PAPPA2: variants seen among roughly 807,000 people sequenced by gnomAD.
PAPPA2 encodes the protein pappalysin 2, also known as pappalysin-2.
Under a neutral mutation model 176.4 loss-of-function variants are expected in PAPPA2, and 86 were observed. That is an observed-to-expected ratio of 0.49 (90% CI 0.41 to 0.58). The LOEUF (loss-of-function observed/expected upper bound fraction) is 0.58. Ranked by LOEUF, PAPPA2 falls within the 20% of genes least tolerant of loss-of-function variation. PAPPA2 has a pLI of 0.00. For synonymous variants in PAPPA2, 809 were observed against 852.2 expected, an observed-to-expected ratio of 0.95 and a Z score of 0.88; for missense variants, 2,073 against 2,256.9, an observed-to-expected ratio of 0.92 and a Z score of 1.65.
intron 17 of PAPPA2, among the ~76,000 whole-genome samples, chr1:176,777,425 C>G (rs944406473): frequency 1.3e-5 from 2 of 151,976 alleles, no homozygotes; most frequent in African/African-American, 2.4e-5. Flanking sequence ...GTCTAGTTCT[C>G]CCTTGAAGAC....
At chr1:176,755,028 C>T (rs993653714) in intron 14 of PAPPA2, among the ~76,000 whole-genome samples, 1 of 152,124 alleles carries the variant, frequency 6.6e-6, no homozygotes, top group East Asian at 1.9e-4. Flanking sequence ...TTCCTCAACC[C>T]TTGATTTCTC....
chr1:176,755,895 T>A (rs1663391706), intron 14 of PAPPA2, among the ~76,000 whole-genome samples: 1 of 152,210 alleles, frequency 6.6e-6, no homozygotes, highest in East Asian at 1.9e-4. Flanking sequence ...TCTATTCTTA[T>A]AATATTGTAA....
Position 176,623,613 on chromosome 1 carries a change from T to TTTTTA in PAPPA2, c.1991+28018_1991+28019insTTTTA, listed in dbSNP as rs1558479012. Among the ~76,000 whole-genome samples the TTTTTA allele has an allele frequency of 2.7e-3, 371 of 136,654 alleles. 1 individual carries two copies. The highest frequency in any genetic ancestry group is 0.011 in the Middle Eastern group (3 of 266). The allele number at this position is 136,654 out of a possible 152,430, so 89.7% of individuals were successfully genotyped here. A position where few individuals can be genotyped will look rare whatever the true frequency, so the allele number is the denominator to read the frequency against. ...TTCCTTCCTTCCTTCCTTCCTTCCT[T>TTTTTA]CCTTCCTTCCTTTTTTACTTTCTTT... On this transcript the variant is annotated intron_variant, in intron 3 of 22. Coordinates refer to ENST00000367662, the MANE Select transcript of PAPPA2 (RefSeq NM_020318.3).
intron 4 of PAPPA2, among the ~76,000 whole-genome samples, chr1:176,677,118 T>A (rs559587761): frequency 1.1e-4 from 17 of 152,286 alleles, no homozygotes; most frequent in Non-Finnish European, 2.2e-4. Context: ...TCTTGTTCAA[T>A]CATAACTGAT....
chr1:176,546,182 G>T (rs1558427615), intron 1 of PAPPA2, among the ~76,000 whole-genome samples: 1 of 152,222 alleles, frequency 6.6e-6, no homozygotes, highest in Non-Finnish European at 1.5e-5. Flanking sequence ...TTCCTGGACA[G>T]CTGGAGAAAC....
intron 12 of PAPPA2, among the ~76,000 whole-genome samples, chr1:176,719,673 T>C (rs1558540836): frequency 6.6e-6 from 1 of 152,216 alleles, no homozygotes; most frequent in Non-Finnish European, 1.5e-5. Context: ...CCAGAGTCTC[T>C]TGAATGGCAG....
chr1:176,750,218 C>T (rs1663104287), intron 14 of PAPPA2, among the ~76,000 whole-genome samples: 1 of 151,588 alleles, frequency 6.6e-6, no homozygotes, highest in Admixed American at 6.6e-5. Context: ...TTAAGAGTAC[C>T]AACCCTGTAC....
chr1:176,774,089 C>A (rs1379108128), intron 17 of PAPPA2, among the ~76,000 whole-genome samples: 1 of 152,148 alleles, frequency 6.6e-6, no homozygotes, highest in Non-Finnish European at 1.5e-5. Flanking sequence ...TTCCTTGATT[C>A]TCTTCCATCT....
chr1:176,564,250 C>T (rs1341106496), intron 2 of PAPPA2, among the ~76,000 whole-genome samples: 1 of 152,146 alleles, frequency 6.6e-6, no homozygotes. Context: ...ATTCAAGTTG[C>T]AAGACTCTAG....
intron 3 of PAPPA2, among the ~76,000 whole-genome samples, chr1:176,634,382 T>C (rs1260538051): frequency 6.6e-6 from 1 of 152,000 alleles, no homozygotes; most frequent in Non-Finnish European, 1.5e-5. Context: ...TAGGTGGGAA[T>C]TGAACAATGA....
At chr1:176,617,870 A>T (rs1655360351) in intron 3 of PAPPA2, among the ~76,000 whole-genome samples, 1 of 152,152 alleles carries the variant, frequency 6.6e-6, no homozygotes, top group South Asian at 2.1e-4. Context: ...GAAGGTTCCA[A>T]GTCCAAGTAA....
At chr1:176,571,282 A>G (rs911638067) in intron 2 of PAPPA2, among the ~76,000 whole-genome samples, 4 of 152,040 alleles carry the variant, frequency 2.6e-5, no homozygotes, top group Non-Finnish European at 2.9e-5. Flanking sequence ...CTCCTCATCC[A>G]TTTAAGTTCT....
intron 14 of PAPPA2, among the ~76,000 whole-genome samples, chr1:176,743,528 C>T (rs962480047): frequency 2.0e-5 from 3 of 152,174 alleles, no homozygotes; most frequent in African/African-American, 7.2e-5. Flanking sequence ...ATAGGTTCTG[C>T]ACAACTTGCC....
intron 12 of PAPPA2, among the ~76,000 whole-genome samples, chr1:176,729,117 A>G (rs1662013273): frequency 6.6e-6 from 1 of 151,872 alleles, no homozygotes; most frequent in African/African-American, 2.4e-5. Flanking sequence ...TTAGTTTTAT[A>G]CTTTTGCCTG....
At chr1:176,528,253 G>A (rs541145155) in intron 1 of PAPPA2, among the ~76,000 whole-genome samples, 1 of 152,294 alleles carries the variant, frequency 6.6e-6, no homozygotes, top group East Asian at 1.9e-4. Flanking sequence ...CTCATAGTCT[G>A]GTGACTATAC....
At chr1:176,781,190 A>G (rs1304887624) in intron 17 of PAPPA2, among the ~76,000 whole-genome samples, 16 of 152,068 alleles carry the variant, frequency 1.1e-4, no homozygotes, top group Admixed American at 1.0e-3. Flanking sequence ...AGACCTAGGG[A>G]CCAGGCATTA....
intron 10 of PAPPA2, among the ~76,000 whole-genome samples, chr1:176,707,757 C>G (rs947612571): frequency 6.6e-6 from 1 of 152,152 alleles, no homozygotes; most frequent in Non-Finnish European, 1.5e-5. Context: ...TTTCCTCATG[C>G]TTAATCAAGT....
At chr1:176,531,117 G>A (rs1255864762) in intron 1 of PAPPA2, among the ~76,000 whole-genome samples, 1 of 152,202 alleles carries the variant, frequency 6.6e-6, no homozygotes, top group Non-Finnish European at 1.5e-5. Flanking sequence ...TATTTGCCAA[G>A]CAAATATGGA....
At chr1:176,493,393 T>G (rs1647405113) in intron 1 of PAPPA2, among the ~76,000 whole-genome samples, 1 of 152,174 alleles carries the variant, frequency 6.6e-6, no homozygotes, top group Non-Finnish European at 1.5e-5. Context: ...CAACCTCCAC[T>G]CATTAAAGTA....
Sources: allele counts gnomAD v4.1 joint callset (sites outside exome capture counted in the v4.1 genomes callset), GRCh38; gene constraint gnomAD v4.1.1; transcripts MANE v1.5; gene names NCBI Gene and HGNC (gene_info 2026-07-23, HGNC 2026-07-21).